Variants in BRWD1 observed in about 807,000 individuals in gnomAD.
BRWD1 encodes the protein bromodomain and WD repeat-containing protein 1.
BRWD1 carries 82 observed loss-of-function variants against 251.2 expected under a neutral mutation model. That is an observed-to-expected ratio of 0.33 (90% CI 0.27 to 0.39). BRWD1 has a LOEUF of 0.39. BRWD1 is among the 10% of genes least tolerant of loss of function. The pLI is 1.00. For missense variants in BRWD1, 2,233 were observed against 2,711.6 expected, an observed-to-expected ratio of 0.82 and a Z score of 3.92; for synonymous variants, 918 against 902.8, an observed-to-expected ratio of 1.02 and a Z score of -0.30.
chr21:39,190,109 A>G lies in BRWD1; in HGVS notation c.*6150T>C, dbSNP rs989644286. The stretch of plus-strand genomic sequence containing the variant: ...GACCACTTTAAATTATAACTCACAG[A>G]TATGTGTGTATTCTAAGATGGTATA... On this transcript the variant is annotated 3_prime_UTR_variant, in exon 41 of 41. Transcript: ENST00000342449. The G allele has an allele frequency of 4.1e-6, 4 of 985,096 alleles. No homozygotes were observed. The African/African-American group carries it at 7.0e-5, about 17-fold the overall frequency. 61.0% of individuals were successfully genotyped at this position (985,096 alleles called of 1,614,324 possible).
chr21:39,310,909 GATAC>G (rs2036459684), intron 4 of BRWD1, among the ~76,000 whole-genome samples: 1 of 152,002 alleles, frequency 6.6e-6, no homozygotes, highest in Non-Finnish European at 1.5e-5. Flanking sequence ...GTTTAGAAAC[GATAC>G]ATATACCATT....
intron 4 of BRWD1, among the ~76,000 whole-genome samples, chr21:39,300,885 T>C (rs1044396356): frequency 1.3e-5 from 2 of 152,146 alleles, no homozygotes; most frequent in African/African-American, 4.8e-5. Flanking sequence ...ATACCACTTA[T>C]TCAAAAAGCT....
chr21:39,273,905 G>C (rs1459204808), intron 13 of BRWD1, among the ~76,000 whole-genome samples: 1 of 152,048 alleles, frequency 6.6e-6, no homozygotes, highest in African/African-American at 2.4e-5. Context: ...AGAGAGTCTC[G>C]CTCTGTCACC....
intron 19 of BRWD1, among the ~76,000 whole-genome samples, chr21:39,254,302 T>C (rs980468016): frequency 2.0e-5 from 3 of 152,108 alleles, no homozygotes; most frequent in Non-Finnish European, 4.4e-5. Context: ...TAAAAGAAAA[T>C]AGGGCTGCTT....
At position 39,255,504 on chromosome 21, in the gene BRWD1, A is replaced by G. The variant is rs2034535440; in HGVS notation, c.2255+141T>C. 4 of 707,210 alleles carry G rather than the reference A, an allele frequency of 5.7e-6. No individual in the cohort carries two copies. In the South Asian group the frequency reaches 9.2e-5, roughly 16 times the overall value. The allele number at this position is 707,210 out of a possible 1,614,324, so 43.8% of individuals were successfully genotyped here. A position where few individuals can be genotyped will look rare whatever the true frequency, so the allele number is the denominator to read the frequency against. On this transcript the variant is annotated intron_variant, in intron 19 of 40. Coordinates refer to ENST00000342449, the MANE Select transcript of BRWD1 (RefSeq NM_033656.4). ...ATAATTCTGACATTTTCCTACCACA[A>G]TTAAGATAGTAAGATTCCCACTCAT...
At chr21:39,319,030 C>A (rs183671999) in intron 1 of BRWD1, among the ~76,000 whole-genome samples, 36 of 152,298 alleles carry the variant, frequency 2.4e-4, no homozygotes, top group African/African-American at 8.4e-4. Flanking sequence ...GCTGGGATTA[C>A]AGGCGTGAGC....
intron 14 of BRWD1, 46 bp downstream of exon 14, chr21:39,270,237 T>C (rs1480675139): frequency 1.4e-6 from 2 of 1,478,768 alleles, no homozygotes; most frequent in African/African-American, 2.8e-5. Context: ...ATTACAATCA[T>C]ATTTCAAAAA....
intron 8 of BRWD1, among the ~76,000 whole-genome samples, chr21:39,281,785 T>G (rs1387312122): frequency 6.6e-6 from 1 of 151,398 alleles, no homozygotes; most frequent in Admixed American, 6.6e-5. Context: ...GGAGAATCGC[T>G]TGAATCCGGG....
chr21:39,202,047 TA>T (rs141797918), intron 38 of BRWD1, among the ~76,000 whole-genome samples: 1 of 152,210 alleles, frequency 6.6e-6, no homozygotes, highest in African/African-American at 2.4e-5. Flanking sequence ...ATTTTTAAAT[TA>T]AAAAGATACA....
intron 31 of BRWD1, among the ~76,000 whole-genome samples, chr21:39,215,733 C>A (rs1383513609): frequency 6.6e-6 from 1 of 152,130 alleles, no homozygotes; most frequent in Admixed American, 6.5e-5. Context: ...TGGGATTACA[C>A]CTGTAATCCC....
At chr21:39,234,036 T>A (rs918723700) in intron 23 of BRWD1, among the ~76,000 whole-genome samples, 2 of 151,952 alleles carry the variant, frequency 1.3e-5, no homozygotes, top group Non-Finnish European at 2.9e-5. Flanking sequence ...AATAAATAAA[T>A]AAAAATAATT....
intron 25 of BRWD1, 45 bp downstream of exon 25, chr21:39,232,132 G>T: frequency 7.4e-7 from 1 of 1,349,894 alleles, no homozygotes; most frequent in Non-Finnish European, 1.1e-6. Context: ...ATTTAACTAT[G>T]TATGTGCTAA....
At chr21:39,280,282 G>T in intron 8 of BRWD1, 34 bp from the exon 9 acceptor site, 2 of 1,497,000 alleles carry the variant, frequency 1.3e-6, no homozygotes, top group South Asian at 2.4e-5. Context: ...TCAGTTTCCA[G>T]AACTTCTACT....
intron 33 of BRWD1, 56 bp from the exon 34 acceptor site, chr21:39,212,763 CAT>C: frequency 1.6e-6 from 2 of 1,212,582 alleles, no homozygotes; most frequent in Non-Finnish European, 2.4e-6. Context: ...AAAATAATAA[CAT>C]AATCTTAATA....
chr21:39,313,163 C>T, intron 2 of BRWD1, 62 bp from the exon 3 acceptor site: 1 of 1,494,458 alleles, frequency 6.7e-7, no homozygotes, highest in African/African-American at 1.5e-5. Flanking sequence ...CGTTTCACCC[C>T]CGCCCACCAC....
At chr21:39,261,008 T>C (rs1195952256) in intron 17 of BRWD1, among the ~76,000 whole-genome samples, 4 of 152,128 alleles carry the variant, frequency 2.6e-5, no homozygotes, top group Non-Finnish European at 5.9e-5. Context: ...GCGGATCACC[T>C]GAGGTCAGGA....
chr21:39,308,883 A>C (rs933044895), intron 4 of BRWD1, among the ~76,000 whole-genome samples: 1 of 152,188 alleles, frequency 6.6e-6, no homozygotes, highest in African/African-American at 2.4e-5. Context: ...ATTTAAGATA[A>C]TCAGGGAAGG....
intron 35 of BRWD1, 112 bp from the exon 36 acceptor site, chr21:39,210,259 G>A (rs1040956835): frequency 5.2e-6 from 4 of 762,976 alleles, no homozygotes; most frequent in African/African-American, 5.2e-5. Context: ...AAAGGTTAGA[G>A]GACTCTTAAA....
At position 39,276,193 on chromosome 21, in the gene BRWD1, T is replaced by C; in HGVS notation, c.1125A>G (p.Gln375=). 1 of 1,607,660 alleles carries C rather than the reference T, an allele frequency of 6.2e-7. No homozygotes were observed. The highest frequency in any genetic ancestry group is 1.7e-4 in the Middle Eastern group (1 of 6,042). ...ESHTDKVDSI[Q]FCNNGDRFLS... is the part of the protein sequence containing the mutation. Reference sequence around the variant, plus strand: ...CTTACCGATCACCATTGTTACAAAATTGGATACTATCTACTTTATCCTAAA... The same window carrying C: ...CTTACCGATCACCATTGTTACAAAACTGGATACTATCTACTTTATCCTAAA... Residue 375 remains glutamine (Q), a synonymous_variant, in exon 12 of 41, where the codon CAA becomes CAG. Coordinates refer to ENST00000342449, the MANE Select transcript of BRWD1 (RefSeq NM_033656.4).
Sources: gnomAD v4.1 joint callset for allele counts (sites outside exome capture counted in the v4.1 genomes callset) on GRCh38, gnomAD v4.1.1 for gene constraint, MANE v1.5 for transcripts, NCBI Gene and HGNC (gene_info 2026-07-23, HGNC 2026-07-21) for gene names.